The following SUPT3H variants were observed in gnomAD, a reference collection of about 807,000 sequenced individuals.
The protein encoded by SUPT3H is transcription initiation protein SPT3 homolog.
SUPT3H carries 44 observed loss-of-function variants against 44.3 expected under a neutral mutation model. That is an observed-to-expected ratio of 0.99 (90% CI 0.78 to 1.28). SUPT3H has a LOEUF of 1.28. Among genes scored for constraint, SUPT3H ranks in the 50% most tolerant of loss-of-function variants. The pLI is 0.00. For missense variants in SUPT3H, 380 were observed against 387.1 expected (o/e 0.98, Z 0.15); for synonymous variants, 124 against 125.6 (o/e 0.99, Z 0.09).
intron 10 of SUPT3H, among the ~76,000 whole-genome samples, chr6:44,908,282 G>A (rs1411990294): frequency 6.6e-6 from 1 of 151,226 alleles, no homozygotes. Flanking sequence ...CTCCCAAGTA[G>A]CTGGGACTAC....
intron 10 of SUPT3H, among the ~76,000 whole-genome samples, chr6:44,914,369 C>G (rs1767498318): frequency 6.6e-6 from 1 of 152,198 alleles, no homozygotes; most frequent in Non-Finnish European, 1.5e-5. Context: ...TTTATTAGCT[C>G]CAATTATAGT....
chr6:45,222,401 G>C (rs915974301), intron 2 of SUPT3H, among the ~76,000 whole-genome samples: 3 of 152,094 alleles, frequency 2.0e-5, no homozygotes, highest in Non-Finnish European at 4.4e-5. Context: ...GACATTTCAT[G>C]GAAGATGACA....
intron 10 of SUPT3H, among the ~76,000 whole-genome samples, chr6:44,856,453 A>G (rs1773743915): frequency 1.3e-5 from 2 of 152,204 alleles, no homozygotes. Flanking sequence ...CAGGCCAAAA[A>G]TGAAAATAAA....
At chr6:44,926,774 T>G (rs1345617392) in intron 10 of SUPT3H, among the ~76,000 whole-genome samples, 1 of 152,178 alleles carries the variant, frequency 6.6e-6, no homozygotes, top group Non-Finnish European at 1.5e-5. Flanking sequence ...GTCAGTACAG[T>G]GCAGTGCATG....
intron 2 of SUPT3H, among the ~76,000 whole-genome samples, chr6:45,116,819 A>G (rs925322170): frequency 6.6e-6 from 1 of 152,114 alleles, no homozygotes; most frequent in African/African-American, 2.4e-5. Flanking sequence ...CATCACCACA[A>G]TCTAGTTTCA....
At chr6:44,963,217 G>T (rs561204533) in intron 6 of SUPT3H, among the ~76,000 whole-genome samples, 2 of 151,702 alleles carry the variant, frequency 1.3e-5, no homozygotes, top group Non-Finnish European at 2.9e-5. Flanking sequence ...ATCACGTCTC[G>T]GCTGGGTGTG....
At chr6:44,963,004 A>T (rs1300375069) in intron 6 of SUPT3H, among the ~76,000 whole-genome samples, 3 of 151,934 alleles carry the variant, frequency 2.0e-5, no homozygotes, top group Non-Finnish European at 2.9e-5. Context: ...AGGTTCAAGT[A>T]TACTTTTTGG....
chr6:44,988,412 C>A (rs1242187985), intron 6 of SUPT3H, among the ~76,000 whole-genome samples: 3 of 149,980 alleles, frequency 2.0e-5, no homozygotes, highest in African/African-American at 7.3e-5. Context: ...ATATAAAACA[C>A]CCAGCCATTT....
chr6:45,260,703 A>G (rs1300657830), intron 2 of SUPT3H, among the ~76,000 whole-genome samples: 1 of 152,156 alleles, frequency 6.6e-6, no homozygotes, highest in Non-Finnish European at 1.5e-5. Context: ...ATGTTTGAAG[A>G]ATATCCTCTT....
At chr6:45,121,518 T>TC (rs1554255771) in intron 2 of SUPT3H, among the ~76,000 whole-genome samples, 4 of 142,470 alleles carry the variant, frequency 2.8e-5, no homozygotes, top group Non-Finnish European at 4.7e-5. Context: ...TGAAATTATG[T>TC]GGGGGGGGGG....
At chr6:44,901,258 G>T (rs973248373) in intron 10 of SUPT3H, among the ~76,000 whole-genome samples, 1 of 152,050 alleles carries the variant, frequency 6.6e-6, no homozygotes, top group South Asian at 2.1e-4. Context: ...CCATGGCAAA[G>T]AAATTAAAAA....
chr6:45,069,529 G>A (rs1794043175), intron 3 of SUPT3H, among the ~76,000 whole-genome samples: 1 of 151,916 alleles, frequency 6.6e-6, no homozygotes, highest in Admixed American at 6.6e-5. Context: ...AGTGTTTTGA[G>A]GGAAAAAATG....
chr6:44,986,440 T>G (rs1172834144), intron 6 of SUPT3H, among the ~76,000 whole-genome samples: 1 of 152,136 alleles, frequency 6.6e-6, no homozygotes, highest in Non-Finnish European at 1.5e-5. Context: ...AATGAATGAC[T>G]CTGGTACTAC....
intron 10 of SUPT3H, among the ~76,000 whole-genome samples, chr6:44,903,857 G>T (rs1041911514): frequency 1.3e-5 from 2 of 152,110 alleles, no homozygotes; most frequent in African/African-American, 2.4e-5. Context: ...TTCATCCCTG[G>T]GATGCAAGGC....
At chr6:44,810,657 C>G (rs575419985) in intron 11 of SUPT3H, among the ~76,000 whole-genome samples, 177 of 150,966 alleles carry the variant, frequency 1.2e-3, no homozygotes, top group Non-Finnish European at 2.2e-3. Context: ...CCTGTAATCC[C>G]AGCACTTTGG....
At chr6:44,813,779 G>T (rs916692629) in intron 11 of SUPT3H, among the ~76,000 whole-genome samples, 1 of 151,206 alleles carries the variant, frequency 6.6e-6, no homozygotes, top group African/African-American at 2.4e-5. Flanking sequence ...TACAAGATAG[G>T]TCAGTAGAAA....
chr6:45,220,478 G>A (rs1294965029), intron 2 of SUPT3H, among the ~76,000 whole-genome samples: 1 of 152,060 alleles, frequency 6.6e-6, no homozygotes. Context: ...CATAATGATA[G>A]AAGACTAAAT....
At chr6:45,186,982 G>T (rs1359193534) in intron 2 of SUPT3H, among the ~76,000 whole-genome samples, 1 of 151,656 alleles carries the variant, frequency 6.6e-6, no homozygotes, top group Non-Finnish European at 1.5e-5. Flanking sequence ...AAGTACACAG[G>T]TTTAGGCCAA....
In SUPT3H at chr6:44,899,646, C is replaced by T. The variant is rs367831657; in HGVS notation, c.912+33007G>A. Among the ~76,000 whole-genome samples the T allele has an allele frequency of 2.2e-4, 34 of 152,278 alleles. No individual in the cohort carries two copies. The East Asian group carries it at 5.6e-3, about 25-fold the overall frequency. ...AGGATGCAGTGAGCTGAGACCATGC[C>T]ACTGCGCTCCAACCTGGGCAACAGA... On this transcript the variant is annotated intron_variant, in intron 10 of 10. Coordinates refer to ENST00000371459, the MANE Select transcript of SUPT3H (RefSeq NM_003599.4).
Sources: gnomAD v4.1 joint callset for allele counts (sites outside exome capture counted in the v4.1 genomes callset) on GRCh38, gnomAD v4.1.1 for gene constraint, MANE v1.5 for transcripts, NCBI Gene and HGNC (gene_info 2026-07-23, HGNC 2026-07-21) for gene names.